ANKRD6: variants seen among roughly 807,000 people sequenced by gnomAD.
ANKRD6 encodes the protein ankyrin repeat domain 6.
In ANKRD6, 56 loss-of-function variants were observed where a neutral mutation model predicts 82.3. That is an observed-to-expected ratio of 0.68 (90% CI 0.55 to 0.85). ANKRD6 has a LOEUF of 0.85. Ranked by LOEUF, ANKRD6 falls within the 40% of genes least tolerant of loss-of-function variation. The pLI, the probability that ANKRD6 is intolerant of heterozygous loss-of-function variation, is 0.00. For synonymous variants in ANKRD6, 347 were observed against 352.1 expected (o/e 0.99, Z 0.16); for missense variants, 852 against 907.6 (o/e 0.94, Z 0.79).
intron 1 of ANKRD6, among the ~76,000 whole-genome samples, chr6:89,470,405 GC>G (rs763131592): frequency 9.9e-5 from 15 of 152,142 alleles, no homozygotes; most frequent in Non-Finnish European, 2.1e-4. Flanking sequence ...GATCGCTTGA[GC>G]CCAGAAATTC....
intron 2 of ANKRD6, 52 bp from the exon 3 acceptor site, chr6:89,595,864 G>T: frequency 1.4e-6 from 2 of 1,442,378 alleles, no homozygotes; most frequent in East Asian, 2.4e-5. Flanking sequence ...GTCTCCCAAG[G>T]GAGTAGCATT....
intron 1 of ANKRD6, among the ~76,000 whole-genome samples, chr6:89,527,047 G>A (rs750182611): frequency 1.2e-4 from 19 of 152,180 alleles, no homozygotes; most frequent in Non-Finnish European, 2.5e-4. Context: ...CATACATAAT[G>A]TTTAACCAGA....
intron 1 of ANKRD6, among the ~76,000 whole-genome samples, chr6:89,518,636 A>G (rs1441628059): frequency 6.6e-6 from 1 of 150,970 alleles, no homozygotes; most frequent in Non-Finnish European, 1.5e-5. Context: ...GAGTCATATG[A>G]TGCAAAAAAA....
chr6:89,617,644 G>C (rs1280192695), intron 8 of ANKRD6, among the ~76,000 whole-genome samples: 1 of 152,200 alleles, frequency 6.6e-6, no homozygotes, highest in Non-Finnish European at 1.5e-5. Context: ...TCTTTGCAGG[G>C]AAGCACTCCT....
intron 1 of ANKRD6, among the ~76,000 whole-genome samples, chr6:89,471,580 A>C (rs147806646): frequency 0.014 from 2,151 of 150,884 alleles, 33 homozygotes; most frequent in Non-Finnish European, 0.02. Flanking sequence ...GTGGCCGGAA[A>C]GTTAGGAAGG....
chr6:89,631,041 A>T lies in ANKRD6; in HGVS notation c.*37A>T, dbSNP rs1212475670. 1.4e-6 allele frequency: 2 copies of T among 1,465,366 alleles called. No homozygotes were observed. The highest frequency in any genetic ancestry group is 2.9e-5 in the South Asian group (2 of 69,128). The allele number at this position is 1,465,366 out of a possible 1,614,324, so 90.8% of individuals were successfully genotyped here. ...AGGAAATATGAAAGGATTCTTGAAG[A>T]TTTCCAGTTTTGCAACTGCATAATA... is the stretch of plus-strand genomic sequence containing the variant. On this transcript the variant is annotated 3_prime_UTR_variant, in exon 16 of 16. Coordinates refer to ENST00000339746, the MANE Select transcript of ANKRD6 (RefSeq NM_001242809.2).
chr6:89,566,514 G>A (rs1788562133), intron 1 of ANKRD6, among the ~76,000 whole-genome samples: 1 of 152,206 alleles, frequency 6.6e-6, no homozygotes, highest in Non-Finnish European at 1.5e-5. Flanking sequence ...TGTAAACCAG[G>A]TGGTGCTTAG....
chr6:89,587,421 G>A (rs1793985324), intron 2 of ANKRD6, among the ~76,000 whole-genome samples: 1 of 151,946 alleles, frequency 6.6e-6, no homozygotes, highest in Non-Finnish European at 1.5e-5. Flanking sequence ...CCCGGGAGGT[G>A]GAGGTTGCAG....
At position 89,569,184 on chromosome 6, in the gene ANKRD6, G is replaced by A. The variant is rs564426051; in HGVS notation, c.120+2088G>A. On this transcript the variant is annotated intron_variant, in intron 2 of 15. Coordinates refer to ENST00000339746, the MANE Select transcript of ANKRD6 (RefSeq NM_001242809.2). ...CCCACCTTGGCCTCCCAAAGTGCTGGGATTACAGGCATGAGCCACCGCGCC... is the reference window on the plus strand; with the variant it reads ...CCCACCTTGGCCTCCCAAAGTGCTGAGATTACAGGCATGAGCCACCGCGCC... 2.3e-4 allele frequency among the ~76,000 whole-genome samples: 35 copies of A among 152,100 alleles called. No individual in the cohort carries two copies. The South Asian group carries it at 5.6e-3, about 24-fold the overall frequency.
chr6:89,624,519 CT>C lies in ANKRD6; in HGVS notation c.1219-14del. The C allele has an allele frequency of 6.4e-7, 1 of 1,551,552 alleles. No individual in the cohort carries two copies. The highest frequency in any genetic ancestry group is 8.7e-7 in the Non-Finnish European group (1 of 1,146,786). Reference sequence around the variant, plus strand: ...GAAGGAATGAACAAGGGATTGATTCCTTTTTTGTTTCTCTCTTAGGCACCAA... The same window carrying C: ...GAAGGAATGAACAAGGGATTGATTCCTTTTTGTTTCTCTCTTAGGCACCAA... On this transcript the variant is annotated intron_variant, in intron 12 of 15. Coordinates refer to ENST00000339746, the MANE Select transcript of ANKRD6 (RefSeq NM_001242809.2).
intron 1 of ANKRD6, among the ~76,000 whole-genome samples, chr6:89,469,681 G>A (rs1164473952): frequency 5.3e-5 from 8 of 152,162 alleles, no homozygotes; most frequent in Non-Finnish European, 1.2e-4. Context: ...CCAGCTTGCA[G>A]TGCTCCTCTG....
intron 1 of ANKRD6, among the ~76,000 whole-genome samples, chr6:89,560,318 G>A (rs1448118555): frequency 6.6e-6 from 1 of 152,224 alleles, no homozygotes; most frequent in Non-Finnish European, 1.5e-5. Flanking sequence ...CAGATGGGCT[G>A]TTTTGTCCTC....
At position 89,603,898 on chromosome 6, in the gene ANKRD6, G is replaced by T. The variant is rs114440607; in HGVS notation, c.318+771G>T. ...CACACCTGTAGTCCCAGCTACTCAG[G>T]AAGCTGAGATGGGAGGATTGCTAAG... On this transcript the variant is annotated intron_variant, in intron 4 of 15. Coordinates refer to ENST00000339746, the MANE Select transcript of ANKRD6 (RefSeq NM_001242809.2). Among the ~76,000 whole-genome samples, 324 of 152,334 alleles carry T rather than the reference G, an allele frequency of 2.1e-3. 1 individual carries two copies. Among genetic ancestry groups the T allele is most frequent in the African/African-American group, 7.2e-3 (301 of 41,582 alleles).
At chr6:89,464,110 T>A (rs1391066437) in intron 1 of ANKRD6, among the ~76,000 whole-genome samples, 4 of 152,222 alleles carry the variant, frequency 2.6e-5, no homozygotes, top group Non-Finnish European at 5.9e-5. Flanking sequence ...AATAATTCTT[T>A]ATGAACTCTA....
At chr6:89,565,417 G>A (rs1359290646) in intron 1 of ANKRD6, 1 of 151,164 alleles carries the variant, frequency 6.6e-6, no homozygotes, top group African/African-American at 2.4e-5. Flanking sequence ...CACAAGAGTG[G>A]GGGGTAAGAA....
At chr6:89,538,855 T>C (rs1394001697) in intron 1 of ANKRD6, among the ~76,000 whole-genome samples, 1 of 152,016 alleles carries the variant, frequency 6.6e-6, no homozygotes, top group Non-Finnish European at 1.5e-5. Flanking sequence ...AATACTTTCA[T>C]GCAAAGAAGA....
chr6:89,537,368 C>A (rs1370632723), intron 1 of ANKRD6, among the ~76,000 whole-genome samples: 1 of 152,066 alleles, frequency 6.6e-6, no homozygotes, highest in Non-Finnish European at 1.5e-5. Flanking sequence ...CACCCACACA[C>A]CCCACAAGGT....
intron 2 of ANKRD6, among the ~76,000 whole-genome samples, chr6:89,574,914 T>C (rs536916871): frequency 6.6e-6 from 1 of 152,304 alleles, no homozygotes; most frequent in Non-Finnish European, 1.5e-5. Context: ...ATTTAACATG[T>C]ACATACAGGA....
intron 2 of ANKRD6, among the ~76,000 whole-genome samples, chr6:89,594,374 G>C (rs1795456172): frequency 6.6e-6 from 1 of 152,030 alleles, no homozygotes; most frequent in Non-Finnish European, 1.5e-5. Flanking sequence ...AGGATCGCTT[G>C]AGCCAAAAGG....
Sources: gnomAD v4.1 joint callset for allele counts (sites outside exome capture counted in the v4.1 genomes callset) on GRCh38, gnomAD v4.1.1 for gene constraint, MANE v1.5 for transcripts, NCBI Gene and HGNC (gene_info 2026-07-23, HGNC 2026-07-21) for gene names.